Variants in PTPRT observed in about 807,000 individuals in gnomAD.
PTPRT encodes receptor-type tyrosine-protein phosphatase T.
Under a neutral mutation model 176.8 loss-of-function variants are expected in PTPRT, and 56 were observed. That is an observed-to-expected ratio of 0.32 (90% CI 0.26 to 0.40). PTPRT has a LOEUF of 0.40. Among genes scored for constraint, PTPRT ranks in the 10% least tolerant of loss-of-function variants. The pLI is 1.00. For synonymous variants in PTPRT, 783 were observed against 739.0 expected (o/e 1.06, Z -0.96); for missense variants, 1,540 against 1,908.2 (o/e 0.81, Z 3.60).
intron 9 of PTPRT, among the ~76,000 whole-genome samples, chr20:42,372,923 A>C (rs1014768355): frequency 1.3e-5 from 2 of 152,194 alleles, no homozygotes; most frequent in African/African-American, 2.4e-5. Context: ...GTTCTTTATA[A>C]GTTATCCTGT....
intron 2 of PTPRT, among the ~76,000 whole-genome samples, chr20:42,838,983 T>A (rs2078230077): frequency 6.6e-6 from 1 of 152,108 alleles, no homozygotes; most frequent in Non-Finnish European, 1.5e-5. Flanking sequence ...AGGACTCATG[T>A]ATCTCCTATC....
At chr20:42,099,464 A>C (rs1008724698) in intron 26 of PTPRT, among the ~76,000 whole-genome samples, 5 of 148,586 alleles carry the variant, frequency 3.4e-5, no homozygotes, top group Non-Finnish European at 7.4e-5. Flanking sequence ...CATGCTAGAC[A>C]GTGCCACTCC....
In PTPRT at chr20:43,044,496, A is replaced by G. The variant is rs533568724; in HGVS notation, c.88+145150T>C. On this transcript the variant is annotated intron_variant, in intron 1 of 30. Transcript: ENST00000373187. ...TAAGGTCCTCAGAAACAAACTTCAT[A>G]ACGTACTGAAAAGGGGACTGAAAGA... Among the ~76,000 whole-genome samples the G allele has an allele frequency of 1.8e-3, 273 of 152,238 alleles. 2 individuals are homozygous for G. Among genetic ancestry groups the G allele is most frequent in the South Asian group, 0.011 (52 of 4,822 alleles).
chr20:42,920,137 A>G (rs187302612), intron 1 of PTPRT, among the ~76,000 whole-genome samples: 53 of 152,340 alleles, frequency 3.5e-4, no homozygotes, highest in Non-Finnish European at 6.9e-4. Flanking sequence ...GAATAAAGTG[A>G]ATGAGTTGAG....
At chr20:42,775,745 T>C (rs2077126087) in intron 4 of PTPRT, among the ~76,000 whole-genome samples, 1 of 152,214 alleles carries the variant, frequency 6.6e-6, no homozygotes, top group Non-Finnish European at 1.5e-5. Flanking sequence ...ACTCGCTCCC[T>C]GGAACTTTTG....
chr20:42,881,652 G>A (rs542296078), intron 2 of PTPRT, among the ~76,000 whole-genome samples: 1 of 150,416 alleles, frequency 6.6e-6, no homozygotes, highest in South Asian at 2.1e-4. Context: ...TTGAACCTGG[G>A]AGGTGGAGGC....
At chr20:42,764,961 A>C (rs1206447088) in intron 5 of PTPRT, among the ~76,000 whole-genome samples, 1 of 152,182 alleles carries the variant, frequency 6.6e-6, no homozygotes, top group Non-Finnish European at 1.5e-5. Context: ...CTGCAGGAGC[A>C]AGGAAACAGG....
chr20:42,774,966 C>T (rs1461093303), intron 4 of PTPRT, among the ~76,000 whole-genome samples: 2 of 152,190 alleles, frequency 1.3e-5, no homozygotes, highest in Non-Finnish European at 2.9e-5. Context: ...CGCAAGCTCT[C>T]TCAACTGTCA....
intron 1 of PTPRT, among the ~76,000 whole-genome samples, chr20:43,177,160 T>C (rs2015142267): frequency 6.6e-6 from 1 of 152,192 alleles, no homozygotes; most frequent in African/African-American, 2.4e-5. Context: ...ACATTTTGGA[T>C]AGGGATCAGA....
chr20:42,038,467 A>C, the PTPRT span, among the ~76,000 whole-genome samples: 1 of 152,182 alleles, frequency 6.6e-6, no homozygotes, highest in Non-Finnish European at 1.5e-5. Context: ...TTGGTGTCTG[A>C]GCAGGGCCTG....
chr20:42,040,173 T>A, the PTPRT span, among the ~76,000 whole-genome samples: 1 of 152,128 alleles, frequency 6.6e-6, no homozygotes, highest in Admixed American at 6.5e-5. Flanking sequence ...TAAGTGGCAT[T>A]TTCCTGATAA....
intron 11 of PTPRT, among the ~76,000 whole-genome samples, chr20:42,350,225 T>TGTTGTTG (rs11086831): frequency 0.3 from 19,653 of 65,942 alleles, 1,740 homozygotes; most frequent in Non-Finnish European, 0.32. Flanking sequence ...TTTTTTTTTT[T>TGTTGTTG]TTTTTTTTTT....
chr20:42,537,286 A>G (rs2072493843), intron 7 of PTPRT, among the ~76,000 whole-genome samples: 1 of 152,198 alleles, frequency 6.6e-6, no homozygotes, highest in South Asian at 2.1e-4. Context: ...TGGACATAGT[A>G]TTACCTGATG....
chr20:42,085,624 A>G, intron 28 of PTPRT, 104 bp downstream of exon 28: 1 of 1,490,958 alleles, frequency 6.7e-7, no homozygotes, highest in Admixed American at 1.8e-5. Context: ...TTATCAGGAG[A>G]GCACAACACA....
At chr20:42,854,333 G>A (rs563628200) in intron 2 of PTPRT, among the ~76,000 whole-genome samples, 11 of 152,294 alleles carry the variant, frequency 7.2e-5, no homozygotes, top group Admixed American at 3.9e-4. Flanking sequence ...TCCTATTCAC[G>A]CATGGTTTAA....
At chr20:42,873,082 A>C (rs2078872026) in intron 2 of PTPRT, among the ~76,000 whole-genome samples, 2 of 152,124 alleles carry the variant, frequency 1.3e-5, no homozygotes, top group Non-Finnish European at 2.9e-5. Flanking sequence ...TTAAAATCAC[A>C]TGTTTCCACC....
At chr20:42,781,876 C>T (rs958091880) in intron 3 of PTPRT, among the ~76,000 whole-genome samples, 1 of 152,154 alleles carries the variant, frequency 6.6e-6, no homozygotes. Flanking sequence ...TTCCAAGTGC[C>T]TAGGTTCAAG....
intron 27 of PTPRT, among the ~76,000 whole-genome samples, chr20:42,093,624 A>G (rs1984869711): frequency 6.6e-6 from 1 of 152,118 alleles, no homozygotes; most frequent in African/African-American, 2.4e-5. Flanking sequence ...TCCCCAACGT[A>G]CGCTCTTATG....
intron 17 of PTPRT, among the ~76,000 whole-genome samples, chr20:42,158,690 T>C (rs952133481): frequency 1.3e-5 from 2 of 152,140 alleles, no homozygotes; most frequent in African/African-American, 4.8e-5. Context: ...GGCTAGCACA[T>C]TGTGAAATGA....
Sources: gnomAD v4.1 joint callset for allele counts (sites outside exome capture counted in the v4.1 genomes callset) on GRCh38, gnomAD v4.1.1 for gene constraint, MANE v1.5 for transcripts, NCBI Gene and HGNC (gene_info 2026-07-23, HGNC 2026-07-21) for gene names.